RPSA2: variants seen among roughly 807,000 people sequenced by gnomAD.
RPSA2 encodes the protein small ribosomal subunit protein uS2B.
At chr19:23,851,882 T>G in the RPSA2 span, among the ~76,000 whole-genome samples, 148,984 of 152,314 alleles carry the variant, frequency 0.98, 72,955 homozygotes, top group Middle Eastern at 1. Flanking sequence ...AAGTGAATTT[T>G]CCACAGTATG....
At chr19:23,810,122 G>A in the RPSA2 span, among the ~76,000 whole-genome samples, 131 of 151,934 alleles carry the variant, frequency 8.6e-4, 1 homozygote, top group South Asian at 1.2e-3. Context: ...GGCTGGGTGC[G>A]GTGGCTCATG....
chr19:23,837,985 GA>G, the RPSA2 span, among the ~76,000 whole-genome samples: 4 of 152,126 alleles, frequency 2.6e-5, no homozygotes, highest in East Asian at 7.7e-4. Context: ...CTATGTTGAA[GA>G]GGAGTGGTGA....
the RPSA2 span, among the ~76,000 whole-genome samples, chr19:23,856,717 A>G: frequency 1.3e-5 from 2 of 152,068 alleles, no homozygotes; most frequent in African/African-American, 4.8e-5. Context: ...AAAGGTAGGA[A>G]TTTTACAGCT....
the RPSA2 span, among the ~76,000 whole-genome samples, chr19:23,771,822 A>G: frequency 6.6e-6 from 1 of 152,110 alleles, no homozygotes; most frequent in Non-Finnish European, 1.5e-5. Context: ...TGTTATTGAC[A>G]TGTGGCTGGT....
the RPSA2 span, among the ~76,000 whole-genome samples, chr19:23,794,615 A>G: frequency 6.8e-6 from 1 of 146,676 alleles, no homozygotes; most frequent in Admixed American, 6.8e-5. Flanking sequence ...GTTTGCAAAT[A>G]TTTCCTATTA....
At chr19:23,770,335 A>G in the RPSA2 span, among the ~76,000 whole-genome samples, 2 of 152,226 alleles carry the variant, frequency 1.3e-5, no homozygotes, top group Admixed American at 1.3e-4. Context: ...CCCTGCATGC[A>G]TTGTGTGTTG....
the RPSA2 span, chr19:23,833,143 T>G: frequency 2.2e-5 from 26 of 1,201,796 alleles, no homozygotes; most frequent in Admixed American, 3.6e-5. Flanking sequence ...ACCCTACAAA[T>G]GGGAAGAATG....
chr19:23,780,216 A>G, the RPSA2 span, among the ~76,000 whole-genome samples: 1 of 152,174 alleles, frequency 6.6e-6, no homozygotes, highest in East Asian at 1.9e-4. Context: ...AGAGCATGTC[A>G]TCATAGGACC....
At chr19:23,764,395 G>T in the RPSA2 span, among the ~76,000 whole-genome samples, 1 of 152,182 alleles carries the variant, frequency 6.6e-6, no homozygotes, top group African/African-American at 2.4e-5. Flanking sequence ...CCTTTATTGT[G>T]CATTTCAGAC....
chr19:23,781,539 A>T, the RPSA2 span, among the ~76,000 whole-genome samples: 1 of 151,390 alleles, frequency 6.6e-6, no homozygotes, highest in Middle Eastern at 3.2e-3. Context: ...GGGTTTCACC[A>T]TGTTGGTCAG....
the RPSA2 span, among the ~76,000 whole-genome samples, chr19:23,844,918 TTTA>T: frequency 6.7e-6 from 1 of 150,334 alleles, no homozygotes; most frequent in Non-Finnish European, 1.5e-5. Context: ...AAGACTTTTT[TTTA>T]TTACTGACTC....
chr19:23,795,432 A>G, the RPSA2 span, among the ~76,000 whole-genome samples: 1 of 151,922 alleles, frequency 6.6e-6, no homozygotes, highest in Admixed American at 6.6e-5. Context: ...TTCTTTTTGC[A>G]GCAATTGTTA....
At chr19:23,800,986 G>C in the RPSA2 span, among the ~76,000 whole-genome samples, 1 of 152,108 alleles carries the variant, frequency 6.6e-6, no homozygotes, top group East Asian at 1.9e-4. Context: ...CTTCAGACCT[G>C]AAACTGATTC....
At chr19:23,759,522 GTTTTTTTT>G in the RPSA2 span, among the ~76,000 whole-genome samples, 2 of 89,034 alleles carry the variant, frequency 2.2e-5, no homozygotes, top group African/African-American at 8.9e-5. Flanking sequence ...TATATATCAG[GTTTTTTTT>G]TTTTTTTTTT....
At chr19:23,790,650 C>A in the RPSA2 span, 2 of 320,738 alleles carry the variant, frequency 6.2e-6, no homozygotes, top group African/African-American at 2.2e-5. Context: ...GCAGATGGAG[C>A]TCCAGGTGTC....
chr19:23,856,338 G>A, the RPSA2 span, among the ~76,000 whole-genome samples: 1 of 151,882 alleles, frequency 6.6e-6, no homozygotes, highest in Non-Finnish European at 1.5e-5. Context: ...TTTCAGGAAA[G>A]CAAGGACAGT....
chr19:23,798,266 A>T, the RPSA2 span, among the ~76,000 whole-genome samples: 2 of 152,202 alleles, frequency 1.3e-5, no homozygotes, highest in African/African-American at 4.8e-5. Flanking sequence ...GGACTAAAAG[A>T]TATTGGTAAT....
chr19:23,855,321 C>T, the RPSA2 span, among the ~76,000 whole-genome samples: 4 of 152,124 alleles, frequency 2.6e-5, no homozygotes, highest in Non-Finnish European at 5.9e-5. Context: ...GCCAAAATGT[C>T]CCAGTCTAAA....
At chr19:23,787,625 A>C in the RPSA2 span, among the ~76,000 whole-genome samples, 1 of 152,004 alleles carries the variant, frequency 6.6e-6, no homozygotes, top group Non-Finnish European at 1.5e-5. Flanking sequence ...CAAAAACAAA[A>C]CAAAAAAAAG....
Sources: allele counts gnomAD v4.1 joint callset (sites outside exome capture counted in the v4.1 genomes callset), GRCh38; gene constraint gnomAD v4.1.1; transcripts MANE v1.5; gene names NCBI Gene and HGNC (gene_info 2026-07-23, HGNC 2026-07-21).